AQP9: variants seen among roughly 807,000 people sequenced by gnomAD.
AQP9 encodes the protein aquaporin 9.
In AQP9, 19 loss-of-function variants were observed where a neutral mutation model predicts 23.8. That is an observed-to-expected ratio of 0.80 (90% confidence interval 0.56 to 1.17). The LOEUF (loss-of-function observed/expected upper bound fraction) is 1.17, where lower values mean the gene tolerates loss of function less well. AQP9 is among the 50% of genes most tolerant of loss of function. The pLI is 0.00. For synonymous variants in AQP9, 153 were observed against 131.5 expected (o/e 1.16, Z -1.12); for missense variants, 413 against 362.0 (o/e 1.14, Z -1.14).
At position 58,179,255 on chromosome 15, in the gene AQP9, G is replaced by C. The variant is rs193153801; in HGVS notation, c.623G>C (p.Gly208Ala). Reference protein sequence around the residue: ...LLIIVIASSLGLNSGCAMNPA... With the variant: ...LLIIVIASSLALNSGCAMNPA... Reference sequence around the variant, plus strand: ...ATTATTGTCATTGCTTCCTCCCTGGGACTGAACAGTGGCTGTGCCATGAAC... The same window carrying C: ...ATTATTGTCATTGCTTCCTCCCTGGCACTGAACAGTGGCTGTGCCATGAAC... The change falls in exon 5 of 6, where the codon GGA becomes GCA. Residue 208 changes from glycine to alanine, a missense_variant. Coordinates refer to ENST00000219919, the MANE Select transcript of AQP9 (RefSeq NM_020980.5). The C allele has an allele frequency of 9.9e-6, 16 of 1,614,144 alleles. No homozygotes were observed. The Admixed American group carries it at 2.7e-4, about 27-fold the overall frequency.
chr15:58,183,509 T>G (rs1266452128), intron 5 of AQP9, among the ~76,000 whole-genome samples: 6 of 152,208 alleles, frequency 3.9e-5, no homozygotes, highest in African/African-American at 1.4e-4. Flanking sequence ...AAAAATTCAT[T>G]CATTCATTGA....
At chr15:58,141,003 A>G (rs368152031) in intron 1 of AQP9, among the ~76,000 whole-genome samples, 1 of 152,332 alleles carries the variant, frequency 6.6e-6, no homozygotes, top group East Asian at 1.9e-4. Context: ...TCCATGAAAA[A>G]TTCTTTATAA....
chr15:58,148,230 T>A (rs544581389), intron 1 of AQP9, among the ~76,000 whole-genome samples: 1 of 152,176 alleles, frequency 6.6e-6, no homozygotes, highest in Non-Finnish European at 1.5e-5. Flanking sequence ...AAAAAATACA[T>A]GTGGTCCTTC....
At chr15:58,139,100 A>T (rs574633647) in intron 1 of AQP9, among the ~76,000 whole-genome samples, 1 of 152,208 alleles carries the variant, frequency 6.6e-6, no homozygotes, top group Non-Finnish European at 1.5e-5. Context: ...GCAAAAATAT[A>T]CATATGGATG....
At chr15:58,175,064 C>G (rs746433549) in intron 4 of AQP9, 28 bp downstream of exon 4, 2 of 1,564,626 alleles carry the variant, frequency 1.3e-6, no homozygotes, top group Admixed American at 1.7e-5. Flanking sequence ...AAAGACTTAA[C>G]TTTGGTGAAA....
At chr15:58,162,947 G>C (rs75906489) in intron 1 of AQP9, among the ~76,000 whole-genome samples, 1,651 of 152,252 alleles carry the variant, frequency 0.011, 18 homozygotes, top group South Asian at 0.026. Context: ...CTAAGTTTGG[G>C]GGTGGTGAAT....
At position 58,179,239 on chromosome 15, in the gene AQP9, A is replaced by T. The variant is rs1485831256; in HGVS notation, c.607A>T (p.Ile203Phe). 6.2e-7 allele frequency: 1 copy of T among 1,614,106 alleles called. No homozygotes were observed. Among genetic ancestry groups the T allele is most frequent in the Non-Finnish European group, 8.5e-7 (1 of 1,180,004 alleles). Reference protein sequence around the residue: ...PIAIGLLIIVIASSLGLNSGC... With the variant: ...PIAIGLLIIVFASSLGLNSGC... ...TGCCATCGGCCTCCTGATTATTGTC[A>T]TTGCTTCCTCCCTGGGACTGAACAG... The change falls in exon 5 of 6, where the codon ATT becomes TTT. Residue 203 changes from isoleucine to phenylalanine, a missense_variant. Coordinates refer to ENST00000219919, the MANE Select transcript of AQP9 (RefSeq NM_020980.5).
intron 5 of AQP9, among the ~76,000 whole-genome samples, chr15:58,183,388 C>T (rs28495584): frequency 0.24 from 36,837 of 152,030 alleles, 4,651 homozygotes; most frequent in Middle Eastern, 0.32. Context: ...AGAGAGAGAG[C>T]CATGGCATGA....
At chr15:58,170,270 C>T (rs1358445399) in intron 2 of AQP9, among the ~76,000 whole-genome samples, 10 of 152,226 alleles carry the variant, frequency 6.6e-5, no homozygotes, top group Admixed American at 5.2e-4. Context: ...AACCTTTCTG[C>T]CTCCTCTCCA....
intron 1 of AQP9, among the ~76,000 whole-genome samples, chr15:58,156,421 T>C (rs1020020803): frequency 6.6e-6 from 1 of 152,140 alleles, no homozygotes; most frequent in Non-Finnish European, 1.5e-5. Context: ...CAATCAACTA[T>C]AACACATTCA....
At chr15:58,173,856 C>T (rs1286610027) in intron 3 of AQP9, among the ~76,000 whole-genome samples, 2 of 152,198 alleles carry the variant, frequency 1.3e-5, no homozygotes, top group African/African-American at 2.4e-5. Context: ...AACTAAAACA[C>T]CTTGGTGTTC....
intron 1 of AQP9, among the ~76,000 whole-genome samples, chr15:58,147,942 T>A (rs1348744530): frequency 6.6e-6 from 1 of 152,018 alleles, no homozygotes. Context: ...ACATGCACAC[T>A]TTTTGACAAC....
chr15:58,157,764 G>A (rs1404541781), intron 1 of AQP9, among the ~76,000 whole-genome samples: 1 of 152,148 alleles, frequency 6.6e-6, no homozygotes, highest in African/African-American at 2.4e-5. Context: ...TCTAACGGAA[G>A]TTGTCTGTGC....
chr15:58,160,988 A>G (rs560865439), intron 1 of AQP9, among the ~76,000 whole-genome samples: 29 of 152,274 alleles, frequency 1.9e-4, no homozygotes, highest in Admixed American at 1.4e-3. Context: ...TGTGCTAAAG[A>G]ATACTGGAAA....
chr15:58,166,840 A>T (rs745769397), intron 2 of AQP9, 41 bp downstream of exon 2: 1 of 1,606,332 alleles, frequency 6.2e-7, no homozygotes, highest in Non-Finnish European at 8.5e-7. Context: ...TAATTCAGCC[A>T]CTCCAATGTG....
Position 58,157,379 on chromosome 15 carries a change from C to G in AQP9, c.112-9294C>G, listed in dbSNP as rs565995052. On this transcript the variant is annotated intron_variant, in intron 1 of 5. Transcript: ENST00000219919. ...ATGAATACATACCATCTGGGTGAGA[C>G]TTGGAGGTATTGGGGCATTTTAGAA... 9.2e-5 allele frequency among the ~76,000 whole-genome samples: 14 copies of G among 152,244 alleles called. No homozygotes were observed. The South Asian group carries it at 2.9e-3, about 32-fold the overall frequency.
Position 58,141,494 on chromosome 15 carries a change from A to G in AQP9, c.111+2818A>G, listed in dbSNP as rs76342004. On this transcript the variant is annotated intron_variant, in intron 1 of 5. Coordinates refer to ENST00000219919, the MANE Select transcript of AQP9 (RefSeq NM_020980.5). Reference sequence around the variant, plus strand: ...GGAAAAAAATGCAAGTACTTCTGCTAAAAGTAGTACCCTTGATCTTTACCT... The same window carrying G: ...GGAAAAAAATGCAAGTACTTCTGCTGAAAGTAGTACCCTTGATCTTTACCT... 1.8e-3 allele frequency among the ~76,000 whole-genome samples: 267 copies of G among 152,364 alleles called. 1 individual carries two copies. The highest frequency in any genetic ancestry group is 6.0e-3 in the African/African-American group (249 of 41,598).
chr15:58,140,098 T>A (rs1466951842), intron 1 of AQP9, among the ~76,000 whole-genome samples: 2 of 152,132 alleles, frequency 1.3e-5, no homozygotes, highest in East Asian at 3.9e-4. Flanking sequence ...TACAGAGTGA[T>A]TACAGCCTCA....
At chr15:58,146,151 T>C (rs1171322511) in intron 1 of AQP9, among the ~76,000 whole-genome samples, 1 of 152,164 alleles carries the variant, frequency 6.6e-6, no homozygotes, top group Non-Finnish European at 1.5e-5. Context: ...GTTATAATAT[T>C]TACCAATTCT....
Sources: allele counts gnomAD v4.1 joint callset (sites outside exome capture counted in the v4.1 genomes callset), GRCh38; gene constraint gnomAD v4.1.1; transcripts MANE v1.5; gene names NCBI Gene and HGNC (gene_info 2026-07-23, HGNC 2026-07-21).